SCAPER: variants seen among roughly 807,000 people sequenced by gnomAD.
SCAPER encodes the protein S-phase cyclin A associated protein in the ER, also known as S phase cyclin A-associated protein in the endoplasmic reticulum.
SCAPER carries 98 observed loss-of-function variants against 182.2 expected under a neutral mutation model. The ratio of observed to expected loss-of-function variants is 0.54; its 90% CI spans 0.46 to 0.64. The LOEUF is 0.64. Among genes scored for constraint, SCAPER ranks in the 30% least tolerant of loss-of-function variants. The probability of loss-of-function intolerance (pLI) is 0.00; values close to 1 mark genes in which losing one functional copy is unlikely to be tolerated. For synonymous variants in SCAPER, 605 were observed against 564.6 expected (o/e 1.07, Z -1.01); for missense variants, 1,432 against 1,690.0 (o/e 0.85, Z 2.68).
At chr15:76,524,223 C>A (rs948569363) in intron 23 of SCAPER, among the ~76,000 whole-genome samples, 11 of 152,190 alleles carry the variant, frequency 7.2e-5, no homozygotes, top group Admixed American at 5.9e-4. Flanking sequence ...CAGCCATGCA[C>A]GCAACATTTC....
At chr15:76,676,038 T>C (rs962618912) in intron 20 of SCAPER, among the ~76,000 whole-genome samples, 4 of 152,220 alleles carry the variant, frequency 2.6e-5, no homozygotes, top group African/African-American at 7.2e-5. Flanking sequence ...TTGGCCAGGC[T>C]GGTCTCGAAC....
chr15:76,422,118 T>A (rs2046090009), intron 26 of SCAPER, among the ~76,000 whole-genome samples: 1 of 152,200 alleles, frequency 6.6e-6, no homozygotes. Flanking sequence ...CTTTTTTGGT[T>A]CCACATGAAC....
At chr15:76,638,945 A>C (rs2053872181) in intron 21 of SCAPER, among the ~76,000 whole-genome samples, 1 of 152,212 alleles carries the variant, frequency 6.6e-6, no homozygotes, top group Non-Finnish European at 1.5e-5. Context: ...TGAGACACTA[A>C]CAGGTTAAGA....
At chr15:76,552,523 TC>T (rs1268123368) in intron 23 of SCAPER, among the ~76,000 whole-genome samples, 20 of 152,010 alleles carry the variant, frequency 1.3e-4, no homozygotes, top group Admixed American at 5.2e-4. Flanking sequence ...CCCAACTGAC[TC>T]CTGGGAAAAG....
chr15:76,768,636 T>C (rs1395762980), intron 10 of SCAPER, among the ~76,000 whole-genome samples: 1 of 152,024 alleles, frequency 6.6e-6, no homozygotes, highest in Non-Finnish European at 1.5e-5. Flanking sequence ...ACAGTAAACT[T>C]CAAACAGATG....
At chr15:76,826,026 G>C (rs556212297) in intron 5 of SCAPER, among the ~76,000 whole-genome samples, 2 of 152,126 alleles carry the variant, frequency 1.3e-5, no homozygotes, top group African/African-American at 2.4e-5. Flanking sequence ...GATTACAGGC[G>C]TGAGCCTCCG....
chr15:76,776,982 AAAGT>A (rs1446102548), intron 8 of SCAPER, among the ~76,000 whole-genome samples: 1 of 152,236 alleles, frequency 6.6e-6, no homozygotes, highest in African/African-American at 2.4e-5. Context: ...TGAATTCAAG[AAAGT>A]AAGTGAATCC....
chr15:76,656,844 A>G (rs975801128), intron 21 of SCAPER, among the ~76,000 whole-genome samples: 4 of 152,208 alleles, frequency 2.6e-5, no homozygotes, highest in Admixed American at 1.3e-4. Context: ...ATTATTTGAA[A>G]CTAATGAGAA....
chr15:76,903,070 AAAAAGAAAGT>A lies in SCAPER; in HGVS notation c.-60+2219_-60+2228del, dbSNP rs200282721. On this transcript the variant is annotated intron_variant, in intron 1 of 31. Transcript: ENST00000563290. ...AGTGAGACTCGGTTTCAAAAAAAAAAAAAAGAAAGTGAAAGAAATGACAGAATCTCAAGTC... is the reference window on the plus strand; with the variant it reads ...AGTGAGACTCGGTTTCAAAAAAAAAAGAAAGAAATGACAGAATCTCAAGTC... 3.5e-3 allele frequency among the ~76,000 whole-genome samples: 526 copies of A among 152,058 alleles called. 5 individuals are homozygous for A. The highest frequency in any genetic ancestry group is 0.012 in the African/African-American group (488 of 41,496).
chr15:76,422,113 T>C (rs1003098256), intron 26 of SCAPER, among the ~76,000 whole-genome samples: 28 of 152,350 alleles, frequency 1.8e-4, no homozygotes, highest in Admixed American at 3.3e-4. Context: ...GGGCCCTTTT[T>C]TGGTTCCACA....
intron 26 of SCAPER, among the ~76,000 whole-genome samples, chr15:76,433,704 CTT>C (rs1044029637): frequency 1.8e-4 from 27 of 152,206 alleles, no homozygotes; most frequent in Middle Eastern, 6.8e-3. Context: ...AGAGAATTTT[CTT>C]TCTCTCTACA....
intron 23 of SCAPER, among the ~76,000 whole-genome samples, chr15:76,532,978 G>A (rs1045508123): frequency 6.6e-6 from 1 of 152,176 alleles, no homozygotes; most frequent in Admixed American, 6.5e-5. Context: ...TAGTGACACA[G>A]GGTTAAATAA....
At chr15:76,560,124 T>G (rs891199347) in intron 23 of SCAPER, among the ~76,000 whole-genome samples, 1 of 152,116 alleles carries the variant, frequency 6.6e-6, no homozygotes, top group Admixed American at 6.5e-5. Context: ...CTCTCCAAAT[T>G]TACATGTAGA....
chr15:76,778,070 C>T (rs1469368162), intron 8 of SCAPER, among the ~76,000 whole-genome samples: 2 of 152,094 alleles, frequency 1.3e-5, no homozygotes, highest in Non-Finnish European at 2.9e-5. Context: ...CATGGATACT[C>T]AAAATATAGT....
chr15:76,695,153 A>G (rs1242437402), intron 20 of SCAPER, among the ~76,000 whole-genome samples: 1 of 152,178 alleles, frequency 6.6e-6, no homozygotes, highest in Non-Finnish European at 1.5e-5. Context: ...ATTAGCTACT[A>G]GTGTAACTCT....
At chr15:76,865,434 C>T (rs1216080361) in intron 2 of SCAPER, among the ~76,000 whole-genome samples, 1 of 152,000 alleles carries the variant, frequency 6.6e-6, no homozygotes, top group African/African-American at 2.4e-5. Flanking sequence ...GGGTCAAAAT[C>T]CTGACTGAAA....
chr15:76,733,177 C>T lies in SCAPER; in HGVS notation c.2022+52G>A. On this transcript the variant is annotated intron_variant, in intron 16 of 31. Coordinates refer to ENST00000563290, the MANE Select transcript of SCAPER (RefSeq NM_020843.4). ...CCCACCGACCCTGCGGGGCTGGACCCTACAAATATGACAGGTGCTCAAGCA... is the reference window on the plus strand; with the variant it reads ...CCCACCGACCCTGCGGGGCTGGACCTTACAAATATGACAGGTGCTCAAGCA... 6 of 1,527,182 alleles carry T rather than the reference C, an allele frequency of 3.9e-6. No homozygotes were observed. In the South Asian group the frequency reaches 6.1e-5, roughly 16 times the overall value. The allele number at this position is 1,527,182 out of a possible 1,614,324, so 94.6% of individuals were successfully genotyped here.
chr15:76,711,907 A>G (rs74809975), intron 17 of SCAPER, among the ~76,000 whole-genome samples: 60,772 of 151,816 alleles, frequency 0.4, 13,597 homozygotes, highest in Middle Eastern at 0.53. Context: ...CTCTGATGGC[A>G]GTTTCTTTTG....
intron 21 of SCAPER, among the ~76,000 whole-genome samples, chr15:76,643,596 C>T (rs1368212142): frequency 6.6e-6 from 1 of 152,106 alleles, no homozygotes; most frequent in East Asian, 1.9e-4. Context: ...GCAGGAGAAT[C>T]GCTTGAACTC....
Sources: gnomAD v4.1 joint callset for allele counts (sites outside exome capture counted in the v4.1 genomes callset) on GRCh38, gnomAD v4.1.1 for gene constraint, MANE v1.5 for transcripts, NCBI Gene and HGNC (gene_info 2026-07-23, HGNC 2026-07-21) for gene names.